The following USP6NL variants were observed in gnomAD, a reference collection of about 807,000 sequenced individuals.
USP6NL encodes the protein USP6 N-terminal-like protein.
USP6NL carries 26 observed loss-of-function variants against 61.9 expected under a neutral mutation model. The ratio of observed to expected loss-of-function variants is 0.42; its 90% CI spans 0.31 to 0.58. The LOEUF (loss-of-function observed/expected upper bound fraction) is 0.58, where lower values mean the gene tolerates loss of function less well. USP6NL is among the 20% of genes least tolerant of loss of function. USP6NL has a pLI of 0.16. For synonymous variants in USP6NL, 432 were observed against 390.1 expected, an observed-to-expected ratio of 1.11 and a Z score of -1.27; for missense variants, 1,114 against 1,034.3, an observed-to-expected ratio of 1.08 and a Z score of -1.06.
intron 1 of USP6NL, among the ~76,000 whole-genome samples, chr10:11,606,815 G>A (rs554970558): frequency 4.0e-5 from 6 of 149,612 alleles, no homozygotes; most frequent in Middle Eastern, 6.9e-3. Context: ...TTTTTGACAC[G>A]GAGTTTTACT....
At chr10:11,508,577 C>A (rs767794251) in intron 6 of USP6NL, among the ~76,000 whole-genome samples, 1 of 152,172 alleles carries the variant, frequency 6.6e-6, no homozygotes, top group Non-Finnish European at 1.5e-5. Flanking sequence ...ATTCCTCACT[C>A]TGTGTTTTAA....
rs1838493127 is a variant in USP6NL, at chr10:11,600,724, C to G, written c.-83-3007G>C. On this transcript the variant is annotated intron_variant, in intron 1 of 14. Coordinates refer to ENST00000609104, the MANE Select transcript of USP6NL (RefSeq NM_014688.5). This position sits in a 1 kb window ranked among gnomAD's most constrained non-coding sequence, Gnocchi z 4.1. ...GTGGCTCACGCCTGTAATCCCAGCA[C>G]TTTGGGAGGCCGAGGCGGGTGGATC... 6.6e-6 allele frequency among the ~76,000 whole-genome samples: 1 copy of G among 152,152 alleles called. No homozygotes were observed. Among genetic ancestry groups the G allele is most frequent in the African/African-American group, 2.4e-5 (1 of 41,442 alleles).
intron 2 of USP6NL, among the ~76,000 whole-genome samples, chr10:11,544,142 C>G (rs1465584200): frequency 1.3e-5 from 2 of 151,830 alleles, no homozygotes; most frequent in African/African-American, 4.8e-5. Flanking sequence ...GTAGCCCAAC[C>G]AAATGTTCCA....
In USP6NL at chr10:11,496,251, A is replaced by C. The variant is rs1833920176; in HGVS notation, c.385-3023T>G. On this transcript the variant is annotated intron_variant, in intron 7 of 14. Coordinates refer to ENST00000609104, the MANE Select transcript of USP6NL (RefSeq NM_014688.5). The surrounding 1 kb of genome is among the most constrained non-coding windows in gnomAD (Gnocchi z 5.4). Reference sequence around the variant, plus strand: ...GCTAAGGAGCTCTAACTGCTTCTGAAACAGACTTTCAACCACTTCTGTGTT... The same window carrying C: ...GCTAAGGAGCTCTAACTGCTTCTGACACAGACTTTCAACCACTTCTGTGTT... Among the ~76,000 whole-genome samples the C allele has an allele frequency of 6.6e-6, 1 of 152,196 alleles. No individual in the cohort carries two copies. The highest frequency in any genetic ancestry group is 2.4e-5 in the African/African-American group (1 of 41,442).
rs907873796 is a variant in USP6NL, at chr10:11,487,714, G to A, written c.664+1388C>T. On this transcript the variant is annotated intron_variant, in intron 10 of 14. Transcript: ENST00000609104. This position sits in a 1 kb window ranked among gnomAD's most constrained non-coding sequence, Gnocchi z 4.2. ...AGAGCCTATTTACTAGATGCAAAGC[G>A]CCCAGACCCAGTTACCATGCAGATG... Among the ~76,000 whole-genome samples, 8 of 151,940 alleles carry A rather than the reference G, an allele frequency of 5.3e-5. No individual in the cohort carries two copies. Among genetic ancestry groups the A allele is most frequent in the African/African-American group, 1.5e-4 (6 of 41,336 alleles).
rs1008253552 is a variant in USP6NL, at chr10:11,518,839, ATTTAGT to A, written c.156-271_156-266del. 6.6e-6 allele frequency among the ~76,000 whole-genome samples: 1 copy of A among 152,194 alleles called. No individual in the cohort carries two copies. Among genetic ancestry groups the A allele is most frequent in the Non-Finnish European group, 1.5e-5 (1 of 68,038 alleles). ...AGCATCTAATTAACATTAAAATTTAATTTAGTTTAACACTGAGTTAGTCTCACTAGG... is the reference window on the plus strand; with the variant it reads ...AGCATCTAATTAACATTAAAATTTAATTAACACTGAGTTAGTCTCACTAGG... On this transcript the variant is annotated intron_variant, in intron 4 of 14. Transcript: ENST00000609104. This position sits in a 1 kb window ranked among gnomAD's most constrained non-coding sequence, Gnocchi z 5.3.
chr10:11,551,625 C>T (rs142750508), intron 2 of USP6NL, among the ~76,000 whole-genome samples: 8 of 152,316 alleles, frequency 5.3e-5, no homozygotes, highest in South Asian at 2.1e-4. Flanking sequence ...ATGTTGGCCC[C>T]AGATTACATG....
chr10:11,536,235 G>C (rs1591901261), intron 2 of USP6NL, among the ~76,000 whole-genome samples: 1 of 152,188 alleles, frequency 6.6e-6, no homozygotes, highest in South Asian at 2.1e-4. Flanking sequence ...AGGAAGAACT[G>C]TTCCAGTACC....
chr10:11,579,879 C>A (rs1490877399), intron 2 of USP6NL, among the ~76,000 whole-genome samples: 3 of 149,790 alleles, frequency 2.0e-5, no homozygotes, highest in Non-Finnish European at 4.4e-5. Flanking sequence ...TTGTACAATA[C>A]ACAGACAATA....
At chr10:11,556,010 C>G (rs901800107) in intron 2 of USP6NL, among the ~76,000 whole-genome samples, 1 of 151,952 alleles carries the variant, frequency 6.6e-6, no homozygotes, top group South Asian at 2.1e-4. Flanking sequence ...AGGGGTTCTA[C>G]GAGCAGAAAA....
At position 11,462,390 on chromosome 10, in the gene USP6NL, T is replaced by C. The variant is rs2096217955; in HGVS notation, c.*51A>G. 3 of 1,570,154 alleles carry C rather than the reference T, an allele frequency of 1.9e-6. No individual in the cohort carries two copies. Among genetic ancestry groups the C allele is most frequent in the Admixed American group, 1.8e-5 (1 of 55,232 alleles). ...GCTTTGGCAATTATGAACATAGCAA[T>C]GTAGGTTTCACGTGGTTTCTCTCTC... On this transcript the variant is annotated 3_prime_UTR_variant, in exon 15 of 15. Transcript: ENST00000609104.
intron 2 of USP6NL, among the ~76,000 whole-genome samples, chr10:11,594,356 T>G (rs1199809143): frequency 1.3e-5 from 2 of 152,220 alleles, no homozygotes; most frequent in Admixed American, 6.5e-5. Context: ...AAAGGGTGAA[T>G]ACTGCCTGTG....
Position 11,529,542 on chromosome 10 carries a change from C to T in USP6NL, c.5-1975G>A, listed in dbSNP as rs202223084. ...TGGGAAAAAAATGTTTGTGTTACTG[C>T]TTTTCCCAGTTAAACTACAAAATGT... On this transcript the variant is annotated intron_variant, in intron 2 of 14. Transcript: ENST00000609104. Among the ~76,000 whole-genome samples, 4 of 152,266 alleles carry T rather than the reference C, an allele frequency of 2.6e-5. No homozygotes were observed. In the East Asian group the frequency reaches 7.7e-4, roughly 29 times the overall value.
rs57177555 is a variant in USP6NL at position 11,460,624 on chromosome 10, C to CATATATATAT, written c.*1807_*1816dup. ...CTTGTGTGTATATATATATTTTTTGCATATATATATATATATATATATATA... is the reference window on the plus strand; with the variant it reads ...CTTGTGTGTATATATATATTTTTTGCATATATATATATATATATATATATATATATATATA... On this transcript the variant is annotated 3_prime_UTR_variant, in exon 15 of 15. Transcript: ENST00000609104. 9.3e-3 allele frequency: 1,181 copies of CATATATATAT among 126,450 alleles called. 6 individuals are homozygous for CATATATATAT. Among genetic ancestry groups the CATATATATAT allele is most frequent in the East Asian group, 0.014 (67 of 4,776 alleles). 7.8% of individuals were successfully genotyped at this position (126,450 alleles called of 1,614,324 possible).
intron 14 of USP6NL, among the ~76,000 whole-genome samples, chr10:11,477,151 C>T (rs1436443198): frequency 6.6e-6 from 1 of 152,028 alleles, no homozygotes; most frequent in Non-Finnish European, 1.5e-5. Context: ...GGATTACAGG[C>T]GTGAGCCACT....
rs145488704 is a variant in USP6NL at position 11,538,753 on chromosome 10, G to A, written c.5-11186C>T. Among the ~76,000 whole-genome samples, 211 of 152,162 alleles carry A rather than the reference G, an allele frequency of 1.4e-3. 9 individuals carry two copies. The East Asian group carries it at 0.035, about 26-fold the overall frequency. On this transcript the variant is annotated intron_variant, in intron 2 of 14. Coordinates refer to ENST00000609104, the MANE Select transcript of USP6NL (RefSeq NM_014688.5). ...AAATTTTTATGAAGACTAAAATTCAGACATGAGAAGTCACAATCTAGTTAC... is the reference window on the plus strand; with the variant it reads ...AAATTTTTATGAAGACTAAAATTCAAACATGAGAAGTCACAATCTAGTTAC...
chr10:11,494,655 C>T (rs1833840112), intron 7 of USP6NL, among the ~76,000 whole-genome samples: 2 of 152,114 alleles, frequency 1.3e-5, no homozygotes, highest in African/African-American at 4.8e-5. Context: ...TGAGTCATCT[C>T]CAGTGATAGG....
chr10:11,511,740 AACAC>A lies in USP6NL; in HGVS notation c.196-2069_196-2066del, dbSNP rs1834722859. 6.6e-6 allele frequency among the ~76,000 whole-genome samples: 1 copy of A among 152,056 alleles called. No homozygotes were observed. Among genetic ancestry groups the A allele is most frequent in the Admixed American group, 6.6e-5 (1 of 15,242 alleles). ...ATACATTCCCACGCTGCAAGAACAA[AACAC>A]ACACATACACATACAAAAAAAATTA... is the stretch of plus-strand genomic sequence containing the variant. On this transcript the variant is annotated intron_variant, in intron 5 of 14. Coordinates refer to ENST00000609104, the MANE Select transcript of USP6NL (RefSeq NM_014688.5). This position sits in a 1 kb window ranked among gnomAD's most constrained non-coding sequence, Gnocchi z 4.9.
Position 11,491,668 on chromosome 10 carries a change from C to T in USP6NL, c.495-788G>A, listed in dbSNP as rs564770409. Among the ~76,000 whole-genome samples, 1 of 152,262 alleles carries T rather than the reference C, an allele frequency of 6.6e-6. No individual in the cohort carries two copies. The highest frequency in any genetic ancestry group is 1.9e-4 in the East Asian group (1 of 5,190). Reference sequence around the variant, plus strand: ...GACACAACAGACACAAGGAGGAGTACATCTGGAATGCAGGAGAACACTTGG... The same window carrying T: ...GACACAACAGACACAAGGAGGAGTATATCTGGAATGCAGGAGAACACTTGG... On this transcript the variant is annotated intron_variant, in intron 8 of 14. Transcript: ENST00000609104. This position sits in a 1 kb window ranked among gnomAD's most constrained non-coding sequence, Gnocchi z 4.7.
Sources: gnomAD v4.1 joint callset for allele counts (sites outside exome capture counted in the v4.1 genomes callset) on GRCh38, gnomAD v4.1.1 for gene constraint, Gnocchi (gnomAD v3.1) non-coding constraint, MANE v1.5 for transcripts, NCBI Gene and HGNC (gene_info 2026-07-23, HGNC 2026-07-21) for gene names.